ENTREP2: variants seen among roughly 807,000 people sequenced by gnomAD.
The protein encoded by ENTREP2 is protein ENTREP2.
the ENTREP2 span, among the ~76,000 whole-genome samples, chr15:29,205,672 G>A: frequency 6.6e-6 from 1 of 152,136 alleles, no homozygotes; most frequent in Non-Finnish European, 1.5e-5. Flanking sequence ...TGGGTTGTTT[G>A]TGTTCTTGTT....
chr15:29,350,860 T>C, the ENTREP2 span, among the ~76,000 whole-genome samples: 11 of 152,170 alleles, frequency 7.2e-5, no homozygotes, highest in Non-Finnish European at 1.6e-4. Flanking sequence ...GGGCAATCGC[T>C]TGACCCAGGA....
At chr15:29,224,781 T>C in the ENTREP2 span, among the ~76,000 whole-genome samples, 2 of 152,208 alleles carry the variant, frequency 1.3e-5, no homozygotes, top group African/African-American at 4.8e-5. Context: ...GCCAGTCCCC[T>C]GCTGGGCACC....
At chr15:29,221,209 T>G in the ENTREP2 span, among the ~76,000 whole-genome samples, 1 of 152,060 alleles carries the variant, frequency 6.6e-6, no homozygotes, top group Non-Finnish European at 1.5e-5. Context: ...TGACACTTTT[T>G]TTTTTTTTTT....
chr15:29,222,002 T>C, the ENTREP2 span, among the ~76,000 whole-genome samples: 1 of 152,324 alleles, frequency 6.6e-6, no homozygotes, highest in South Asian at 2.1e-4. Flanking sequence ...TGTGTGTTGT[T>C]GTCAGAGGTG....
chr15:29,526,535 C>T, the ENTREP2 span, among the ~76,000 whole-genome samples: 8 of 152,236 alleles, frequency 5.3e-5, no homozygotes, highest in Admixed American at 5.2e-4. Context: ...GTGATCATAG[C>T]TCACTGCAGC....
chr15:29,402,292 T>TTTGTGTGTG, the ENTREP2 span, among the ~76,000 whole-genome samples: 1 of 131,700 alleles, frequency 7.6e-6, no homozygotes, highest in Non-Finnish European at 1.6e-5. Flanking sequence ...GTATATTGTA[T>TTTGTGTGTG]TGTGTGTGTG....
chr15:29,172,079 C>T, the ENTREP2 span, among the ~76,000 whole-genome samples: 13 of 152,172 alleles, frequency 8.5e-5, no homozygotes, highest in African/African-American at 2.4e-4. Context: ...TGAAACAGCC[C>T]GTAATGCACC....
the ENTREP2 span, among the ~76,000 whole-genome samples, chr15:29,436,058 T>C: frequency 2.0e-5 from 3 of 152,202 alleles, no homozygotes; most frequent in African/African-American, 7.2e-5. Flanking sequence ...GTACAAGGAA[T>C]GATCCTATCT....
At chr15:29,583,704 A>G in the ENTREP2 span, among the ~76,000 whole-genome samples, 27 of 152,314 alleles carry the variant, frequency 1.8e-4, no homozygotes, top group African/African-American at 6.3e-4. Context: ...TCAATGTGCA[A>G]AAATTCAAGG....
chr15:29,642,611 A>C, the ENTREP2 span, among the ~76,000 whole-genome samples: 1 of 149,762 alleles, frequency 6.7e-6, no homozygotes, highest in African/African-American at 2.4e-5. Flanking sequence ...GTATACATAC[A>C]TACATACTAT....
the ENTREP2 span, among the ~76,000 whole-genome samples, chr15:29,587,580 C>T: frequency 4.6e-5 from 7 of 152,176 alleles, no homozygotes; most frequent in Admixed American, 2.0e-4. Context: ...TATCTTAAAA[C>T]CTGGCAAATT....
chr15:29,388,719 G>C, the ENTREP2 span, among the ~76,000 whole-genome samples: 5 of 152,240 alleles, frequency 3.3e-5, no homozygotes, highest in Middle Eastern at 6.8e-3. Flanking sequence ...TAACCCAAAT[G>C]TCCATCAATG....
chr15:29,408,635 G>C, the ENTREP2 span, among the ~76,000 whole-genome samples: 1 of 152,028 alleles, frequency 6.6e-6, no homozygotes, highest in East Asian at 1.9e-4. Context: ...ATATTCTCTG[G>C]CTGACCCTCT....
At chr15:29,460,635 A>C in the ENTREP2 span, among the ~76,000 whole-genome samples, 4 of 152,228 alleles carry the variant, frequency 2.6e-5, no homozygotes, top group Non-Finnish European at 5.9e-5. Flanking sequence ...TGTCTCAAAA[A>C]ACAAAACAAA....
the ENTREP2 span, among the ~76,000 whole-genome samples, chr15:29,148,880 T>A: frequency 8.3e-5 from 11 of 132,426 alleles, no homozygotes; most frequent in African/African-American, 3.7e-4. Flanking sequence ...TTTTTTTTAA[T>A]TTTTTTTTTT....
At chr15:29,187,495 C>T in the ENTREP2 span, among the ~76,000 whole-genome samples, 3 of 152,174 alleles carry the variant, frequency 2.0e-5, no homozygotes, top group East Asian at 3.9e-4. Context: ...AGGCTGGTCT[C>T]GAACTCTTGA....
At chr15:29,615,646 A>G in the ENTREP2 span, among the ~76,000 whole-genome samples, 1 of 152,132 alleles carries the variant, frequency 6.6e-6, no homozygotes, top group African/African-American at 2.4e-5. Flanking sequence ...GTCATTCCCA[A>G]GATGAGAGGG....
chr15:29,141,125 G>C, the ENTREP2 span, among the ~76,000 whole-genome samples: 7 of 152,192 alleles, frequency 4.6e-5, no homozygotes, highest in Non-Finnish European at 8.8e-5. Context: ...CCTGGCCTTG[G>C]GCAGCTTCCC....
At chr15:29,396,943 A>C in the ENTREP2 span, among the ~76,000 whole-genome samples, 1 of 152,212 alleles carries the variant, frequency 6.6e-6, no homozygotes, top group Non-Finnish European at 1.5e-5. Flanking sequence ...ATAATTGTTA[A>C]ATGTAAATAA....
Sources: gnomAD v4.1 joint callset for allele counts (sites outside exome capture counted in the v4.1 genomes callset) on GRCh38, gnomAD v4.1.1 for gene constraint, MANE v1.5 for transcripts, NCBI Gene and HGNC (gene_info 2026-07-23, HGNC 2026-07-21) for gene names.